The following ARHGAP6 variants were observed in gnomAD, a reference collection of about 807,000 sequenced individuals.
ARHGAP6 encodes the protein Rho GTPase activating protein 6.
In ARHGAP6, 16 loss-of-function variants were observed where a neutral mutation model predicts 55.7. The ratio of observed to expected loss-of-function variants is 0.29; its 90% CI spans 0.19 to 0.44. The LOEUF is 0.44. ARHGAP6 is among the 20% of genes least tolerant of loss of function. The probability of loss-of-function intolerance (pLI) is 1.00; values close to 1 mark genes in which losing one functional copy is unlikely to be tolerated. For synonymous variants in ARHGAP6, 382 were observed against 360.9 expected, an observed-to-expected ratio of 1.06 and a Z score of -0.66; for missense variants, 698 against 808.9, an observed-to-expected ratio of 0.86 and a Z score of 1.66.
intron 1 of ARHGAP6, among the ~76,000 whole-genome samples, chrX:11,286,088 G>C (rs1193210806): frequency 8.9e-6 from 1 of 112,126 alleles, no homozygotes; most frequent in Non-Finnish European, 1.9e-5. Flanking sequence ...TCCAAATTTA[G>C]ACACTTTTTG....
chrX:11,648,227 T>C (rs1168030890), intron 1 of ARHGAP6, among the ~76,000 whole-genome samples: 1 of 111,951 alleles, frequency 8.9e-6, no homozygotes, highest in Non-Finnish European at 1.9e-5. Context: ...TTGATCATTA[T>C]ACAATGTATA....
intron 2 of ARHGAP6, among the ~76,000 whole-genome samples, chrX:11,243,952 C>T (rs1175555850): frequency 2.7e-5 from 3 of 111,537 alleles, no homozygotes; most frequent in African/African-American, 9.8e-5. Context: ...TAAGTATACT[C>T]TATTAAGTTT....
At chrX:11,369,249 G>T (rs1374016121) in intron 1 of ARHGAP6, among the ~76,000 whole-genome samples, 1 of 110,688 alleles carries the variant, frequency 9.0e-6, no homozygotes, top group Non-Finnish European at 1.9e-5. Flanking sequence ...TCAGACTACT[G>T]GGCAGGGGTT....
At chrX:11,419,416 G>A (rs906013358) in intron 1 of ARHGAP6, among the ~76,000 whole-genome samples, 1 of 112,311 alleles carries the variant, frequency 8.9e-6, no homozygotes, top group Admixed American at 9.4e-5. Flanking sequence ...TTAAGACCGT[G>A]TTTTGCATTT....
intron 10 of ARHGAP6, chrX:11,148,765 G>A (rs368596891): frequency 3.0e-4 from 107 of 352,823 alleles, no homozygotes; most frequent in South Asian, 9.9e-4. Flanking sequence ...GATGGGGCCC[G>A]CCCAGCACCT....
At chrX:11,293,680 G>C (rs1169258425) in intron 1 of ARHGAP6, among the ~76,000 whole-genome samples, 1 of 111,224 alleles carries the variant, frequency 9.0e-6, no homozygotes, top group Admixed American at 9.5e-5. Flanking sequence ...AATTCCAAAG[G>C]TCTTTCTTGG....
At chrX:11,160,539 T>C (rs1336465853) in intron 9 of ARHGAP6, among the ~76,000 whole-genome samples, 1 of 111,482 alleles carries the variant, frequency 9.0e-6, no homozygotes, top group East Asian at 2.8e-4. Flanking sequence ...TGCAAGCCCT[T>C]CAGAGTGGTG....
At chrX:11,182,324 G>A (rs774832035) in intron 5 of ARHGAP6, among the ~76,000 whole-genome samples, 7 of 111,537 alleles carry the variant, frequency 6.3e-5, no homozygotes, top group East Asian at 2.8e-4. Flanking sequence ...AGAATTTTAC[G>A]TTAAATGTTT....
intron 1 of ARHGAP6, among the ~76,000 whole-genome samples, chrX:11,443,148 T>C (rs1176121737): frequency 1.8e-5 from 2 of 112,426 alleles, no homozygotes; most frequent in African/African-American, 6.5e-5. Flanking sequence ...TCTGTTTGCC[T>C]GTTTCTGAAC....
At position 11,665,006 on chromosome X, in the gene ARHGAP6, G is replaced by A; in HGVS notation, c.-178C>T. The stretch of plus-strand genomic sequence containing the variant: ...GCCGCCGGTGCGCTCCAAGTGCCCC[G>A]GCGGCGGCAGGAGCAGCAGATCCAT... On this transcript the variant is annotated 5_prime_UTR_variant, in exon 1 of 13. Transcript: ENST00000337414. 1 of 412,690 alleles carries A rather than the reference G, an allele frequency of 2.4e-6. No homozygotes were observed. The highest frequency in any genetic ancestry group is 4.0e-6 in the Non-Finnish European group (1 of 248,079). 34.0% of individuals were successfully genotyped at this position (412,690 alleles called of 1,213,427 possible).
intron 1 of ARHGAP6, among the ~76,000 whole-genome samples, chrX:11,641,052 A>T (rs2052469678): frequency 9.8e-6 from 1 of 101,762 alleles, no homozygotes; most frequent in African/African-American, 3.8e-5. Flanking sequence ...TGAGTAACCC[A>T]TTTTTTTTTT....
At chrX:11,222,175 C>A (rs2046981849) in intron 2 of ARHGAP6, among the ~76,000 whole-genome samples, 1 of 111,816 alleles carries the variant, frequency 8.9e-6, no homozygotes, top group African/African-American at 3.3e-5. Flanking sequence ...CTTTATATTG[C>A]CATGTGAAAT....
At position 11,664,647 on chromosome X, in the gene ARHGAP6, G is replaced by A; in HGVS notation, c.182C>T (p.Thr61Met). ...AGAEGSARGA[T>M]AGRLYSPSLP... ...TGATGGGGAGTAGAGGCGGCCCGCC[G>A]TGGCTCCCCGCGCACTGCCCTCCGC... The change falls in exon 1 of 13, where the codon ACG becomes ATG. Residue 61 changes from threonine (T) to methionine (M), a missense_variant. This residue lies in a region of ARHGAP6 where 164 missense variants were observed against 149.2 expected (regional missense o/e 1.10). Coordinates refer to ENST00000337414, the MANE Select transcript of ARHGAP6 (RefSeq NM_013427.3). 8.6e-7 allele frequency: 1 copy of A among 1,159,821 alleles called. No individual in the cohort carries two copies. The highest frequency in any genetic ancestry group is 1.1e-6 in the Non-Finnish European group (1 of 870,212).
chrX:11,651,339 T>C (rs1311094646), intron 1 of ARHGAP6, among the ~76,000 whole-genome samples: 2 of 111,606 alleles, frequency 1.8e-5, no homozygotes, highest in Non-Finnish European at 3.8e-5. Flanking sequence ...CTTCTTTGTG[T>C]CCATGAGTTC....
intron 1 of ARHGAP6, chrX:11,297,956 C>A: frequency 1.7e-6 from 1 of 596,923 alleles, no homozygotes; most frequent in Non-Finnish European, 2.9e-6. Context: ...TCTTTAACTC[C>A]CCATAACCTT....
chrX:11,329,864 T>A (rs2048541762), intron 1 of ARHGAP6, among the ~76,000 whole-genome samples: 1 of 112,664 alleles, frequency 8.9e-6, no homozygotes, highest in African/African-American at 3.2e-5. Flanking sequence ...TGTAGGTAAG[T>A]GTAACACAAT....
At chrX:11,418,132 C>T (rs759778005) in intron 1 of ARHGAP6, among the ~76,000 whole-genome samples, 1 of 111,926 alleles carries the variant, frequency 8.9e-6, no homozygotes, top group South Asian at 3.7e-4. Context: ...TTCTGGTCTG[C>T]GTCCTTTTGG....
intron 1 of ARHGAP6, among the ~76,000 whole-genome samples, chrX:11,305,599 C>T (rs955930318): frequency 9.0e-6 from 1 of 111,131 alleles, no homozygotes; most frequent in African/African-American, 3.3e-5. Flanking sequence ...TGTGTCTACC[C>T]GAGTGATAAA....
At chrX:11,242,399 A>C (rs112376227) in intron 2 of ARHGAP6, among the ~76,000 whole-genome samples, 2,886 of 111,594 alleles carry the variant, frequency 0.026, 38 homozygotes, top group Middle Eastern at 0.074. Context: ...AGGATCTTTT[A>C]CTTGCTTTCA....
Sources: gnomAD v4.1 joint callset for allele counts (sites outside exome capture counted in the v4.1 genomes callset) on GRCh38, gnomAD v4.1.1 for gene constraint, gnomAD v4.1.1 regional missense constraint, MANE v1.5 for transcripts, NCBI Gene and HGNC (gene_info 2026-07-23, HGNC 2026-07-21) for gene names.